EIF2B3: variants seen among roughly 807,000 people sequenced by gnomAD.
EIF2B3 encodes translation initiation factor eIF2B subunit gamma.
In EIF2B3, 20 loss-of-function variants were observed where a neutral mutation model predicts 54.1. That is an observed-to-expected ratio of 0.37 (90% confidence interval 0.26 to 0.54). EIF2B3 has a LOEUF of 0.54. Among genes scored for constraint, EIF2B3 ranks in the 20% least tolerant of loss-of-function variants. The probability of loss-of-function intolerance (pLI) is 0.86; values close to 1 mark genes in which losing one functional copy is unlikely to be tolerated. For missense variants in EIF2B3, 448 were observed against 547.8 expected, an observed-to-expected ratio of 0.82 and a Z score of 1.82; for synonymous variants, 153 against 188.1, an observed-to-expected ratio of 0.81 and a Z score of 1.52.
chr1:44,903,754 G>A (rs1643360085), intron 5 of EIF2B3, among the ~76,000 whole-genome samples: 1 of 152,204 alleles, frequency 6.6e-6, no homozygotes, highest in Non-Finnish European at 1.5e-5. Flanking sequence ...GTTACTCAGT[G>A]AGAAAGGAAA....
At chr1:44,894,496 C>T (rs984962837) in intron 6 of EIF2B3, among the ~76,000 whole-genome samples, 1 of 152,088 alleles carries the variant, frequency 6.6e-6, no homozygotes, top group Non-Finnish European at 1.5e-5. Context: ...ATAATGAATG[C>T]CTTACAAATC....
chr1:44,941,759 A>C (rs1385684679), intron 3 of EIF2B3, 94 bp from the exon 4 acceptor site: 1 of 1,392,132 alleles, frequency 7.2e-7, no homozygotes, highest in Non-Finnish European at 1.0e-6. Context: ...AAAACCACAC[A>C]AATCAGACAA....
At chr1:44,976,841 T>A (rs1372022762) in intron 3 of EIF2B3, among the ~76,000 whole-genome samples, 1 of 152,160 alleles carries the variant, frequency 6.6e-6, no homozygotes, top group African/African-American at 2.4e-5. Context: ...CAAATAAAAT[T>A]AATACATAGT....
intron 1 of EIF2B3, 52 bp from the exon 2 acceptor site, chr1:44,981,229 C>A: frequency 1.3e-6 from 2 of 1,587,050 alleles, no homozygotes; most frequent in South Asian, 1.1e-5. Context: ...TAACAAAAAT[C>A]AAAGCACACA....
intron 9 of EIF2B3, 75 bp downstream of exon 9, chr1:44,875,543 A>C (rs568538075): frequency 6.9e-7 from 1 of 1,439,758 alleles, no homozygotes. Flanking sequence ...AAAGGCCTCA[A>C]TCCGGCTTCT....
At chr1:44,857,590 G>T in intron 11 of EIF2B3, 114 bp downstream of exon 11, 4 of 965,368 alleles carry the variant, frequency 4.1e-6, no homozygotes, top group Non-Finnish European at 6.6e-6. Context: ...ATCAATTTAT[G>T]TTCTCGCCCG....
At chr1:44,972,087 GTGGAGAAAC>G (rs1485298985) in intron 3 of EIF2B3, among the ~76,000 whole-genome samples, 2 of 151,712 alleles carry the variant, frequency 1.3e-5, no homozygotes, top group Non-Finnish European at 2.9e-5. Flanking sequence ...TGGGAAGGAT[GTGGAGAAAC>G]TGGAACCATA....
At chr1:44,887,367 G>C (rs1259489531) in intron 6 of EIF2B3, among the ~76,000 whole-genome samples, 1 of 152,176 alleles carries the variant, frequency 6.6e-6, no homozygotes, top group African/African-American at 2.4e-5. Context: ...GTGTGCTTAG[G>C]TAGGAAAAAT....
chr1:44,898,998 G>T (rs1656073499), intron 5 of EIF2B3, among the ~76,000 whole-genome samples: 2 of 152,080 alleles, frequency 1.3e-5, no homozygotes, highest in African/African-American at 2.4e-5. Context: ...GGCTAATTTT[G>T]TATTTTTGTA....
chr1:44,949,695 G>A (rs575337067), intron 3 of EIF2B3, among the ~76,000 whole-genome samples: 2 of 152,186 alleles, frequency 1.3e-5, no homozygotes, highest in South Asian at 4.1e-4. Context: ...AGGCAGAGAT[G>A]TCTGAAAGGA....
At chr1:44,852,539 G>A (rs1408154933) in intron 11 of EIF2B3, among the ~76,000 whole-genome samples, 1 of 152,022 alleles carries the variant, frequency 6.6e-6, no homozygotes, top group Non-Finnish European at 1.5e-5. Context: ...CAGCAGTTTG[G>A]GAGGCCAAAG....
intron 5 of EIF2B3, among the ~76,000 whole-genome samples, chr1:44,908,234 C>A (rs1490391307): frequency 6.6e-6 from 1 of 152,140 alleles, no homozygotes; most frequent in African/African-American, 2.4e-5. Context: ...TGTATTAGAC[C>A]TTAGGCCTAC....
intron 10 of EIF2B3, among the ~76,000 whole-genome samples, chr1:44,862,221 C>T (rs111684496): frequency 4.6e-5 from 7 of 152,194 alleles, no homozygotes; most frequent in African/African-American, 7.2e-5. Flanking sequence ...CGAAGCACTC[C>T]GCTGTGCTAA....
intron 10 of EIF2B3, among the ~76,000 whole-genome samples, chr1:44,860,488 A>C (rs989090542): frequency 6.6e-6 from 1 of 152,204 alleles, no homozygotes; most frequent in African/African-American, 2.4e-5. Context: ...TACTATTTTT[A>C]TCTCTGATGC....
Position 44,891,070 on chromosome 1 carries a change from T to C in EIF2B3, c.656+6285A>G, listed in dbSNP as rs546607340. ...TCCACAAAATCTATCCTTCATACGG[T>C]AGATGGGAAAAAAAAGAGACTTTTT... On this transcript the variant is annotated intron_variant, in intron 6 of 11. Coordinates refer to ENST00000360403, the MANE Select transcript of EIF2B3 (RefSeq NM_020365.5). Among the ~76,000 whole-genome samples the C allele has an allele frequency of 6.1e-5, 9 of 148,596 alleles. No individual in the cohort carries two copies. The South Asian group carries it at 1.7e-3, about 28-fold the overall frequency.
At chr1:44,954,369 G>A (rs1644200796) in intron 3 of EIF2B3, among the ~76,000 whole-genome samples, 1 of 152,174 alleles carries the variant, frequency 6.6e-6, no homozygotes, top group South Asian at 2.1e-4. Flanking sequence ...CATGAGCATG[G>A]AATGTTTTTC....
At chr1:44,953,620 C>T (rs946516761) in intron 3 of EIF2B3, among the ~76,000 whole-genome samples, 2 of 152,098 alleles carry the variant, frequency 1.3e-5, no homozygotes, top group Non-Finnish European at 2.9e-5. Flanking sequence ...AAGACTTAGC[C>T]ATCTCTACAA....
chr1:44,971,842 C>T (rs879564502), intron 3 of EIF2B3, among the ~76,000 whole-genome samples: 3 of 151,224 alleles, frequency 2.0e-5, no homozygotes, highest in Non-Finnish European at 4.4e-5. Flanking sequence ...ACCAACCTGG[C>T]CAACATGGTG....
chr1:44,925,035 T>C (rs1643824893), intron 5 of EIF2B3: 1 of 152,218 alleles, frequency 6.6e-6, no homozygotes, highest in Non-Finnish European at 1.5e-5. Flanking sequence ...CCAGCTACCA[T>C]GTAAGTACTG....
Sources: gnomAD v4.1 joint callset for allele counts (sites outside exome capture counted in the v4.1 genomes callset) on GRCh38, gnomAD v4.1.1 for gene constraint, MANE v1.5 for transcripts, NCBI Gene and HGNC (gene_info 2026-07-23, HGNC 2026-07-21) for gene names.